The following ANKFN1 variants were observed in gnomAD, a reference collection of about 807,000 sequenced individuals.
The protein encoded by ANKFN1 is ankyrin repeat and fibronectin type-III domain-containing protein 1.
Under a neutral mutation model 108.7 loss-of-function variants are expected in ANKFN1, and 74 were observed. That is an observed-to-expected ratio of 0.68 (90% CI 0.56 to 0.83). The LOEUF (loss-of-function observed/expected upper bound fraction) is 0.83, where lower values mean the gene tolerates loss of function less well. Ranked by LOEUF, ANKFN1 falls within the 40% of genes least tolerant of loss-of-function variation. The probability of loss-of-function intolerance (pLI) is 0.00; values close to 1 mark genes in which losing one functional copy is unlikely to be tolerated. For missense variants in ANKFN1, 1,505 were observed against 1,382.3 expected (o/e 1.09, Z -1.41); for synonymous variants, 547 against 516.2 (o/e 1.06, Z -0.81).
chr17:56,147,670 A>G (rs536565063), intron 4 of ANKFN1, among the ~76,000 whole-genome samples: 5 of 152,360 alleles, frequency 3.3e-5, no homozygotes, highest in Admixed American at 6.5e-5. Context: ...CTACAATTCA[A>G]GATGAGATTT....
chr17:56,174,397 C>T, intron 1 of ANKFN1: 3 of 985,568 alleles, frequency 3.0e-6, no homozygotes, highest in Non-Finnish European at 3.6e-6. Context: ...GGAGCAGAGG[C>T]TGAGGTTGGC....
intron 15 of ANKFN1, among the ~76,000 whole-genome samples, chr17:56,467,806 GAA>G (rs56100100): frequency 8.4e-5 from 3 of 35,554 alleles, no homozygotes; most frequent in African/African-American, 3.7e-4. Flanking sequence ...AAGAAAGAAA[GAA>G]AGAAAGAAAG....
intron 4 of ANKFN1, among the ~76,000 whole-genome samples, chr17:56,094,881 G>A (rs1006794879): frequency 7.3e-5 from 11 of 150,784 alleles, no homozygotes; most frequent in Non-Finnish European, 1.5e-4. Flanking sequence ...GACTGTGCAC[G>A]TAAGCTATTC....
chr17:56,423,039 A>G (rs2048459509), intron 8 of ANKFN1, among the ~76,000 whole-genome samples: 1 of 152,204 alleles, frequency 6.6e-6, no homozygotes, highest in Admixed American at 6.5e-5. Flanking sequence ...TTTTGTCAAC[A>G]CCATCCAGCA....
intron 1 of ANKFN1, chr17:56,174,179 C>G (rs1411539383): frequency 1.0e-6 from 1 of 985,538 alleles, no homozygotes; most frequent in East Asian, 1.1e-4. Flanking sequence ...GCATTCATTT[C>G]CTGGGCTGGC....
intron 8 of ANKFN1, among the ~76,000 whole-genome samples, chr17:56,400,995 T>TA: frequency 6.6e-6 from 1 of 152,316 alleles, no homozygotes; most frequent in South Asian, 2.1e-4. Context: ...TATGGCCTTA[T>TA]AGTGTAGTTT....
chr17:56,195,706 G>C (rs965562529), intron 1 of ANKFN1, among the ~76,000 whole-genome samples: 1 of 152,206 alleles, frequency 6.6e-6, no homozygotes, highest in African/African-American at 2.4e-5. Flanking sequence ...GCCAGACTGA[G>C]GGCAAATGAC....
chr17:56,493,256 G>A (rs2051097596), intron 19 of ANKFN1, among the ~76,000 whole-genome samples: 1 of 151,672 alleles, frequency 6.6e-6, no homozygotes, highest in Non-Finnish European at 1.5e-5. Flanking sequence ...ATATACCAAA[G>A]CAAAACAAAC....
intron 8 of ANKFN1, among the ~76,000 whole-genome samples, chr17:56,386,437 A>T (rs1301923231): frequency 6.6e-6 from 1 of 151,952 alleles, no homozygotes; most frequent in African/African-American, 2.4e-5. Context: ...TAACCTGCAC[A>T]TTGTGCACAT....
At chr17:56,243,472 A>G (rs781715294) in intron 3 of ANKFN1, among the ~76,000 whole-genome samples, 4 of 152,198 alleles carry the variant, frequency 2.6e-5, no homozygotes, top group Admixed American at 6.6e-5. Flanking sequence ...CCACAACTCA[A>G]TAGTCCCAAG....
intron 8 of ANKFN1, among the ~76,000 whole-genome samples, chr17:56,401,752 G>A (rs983038133): frequency 2.6e-5 from 4 of 151,996 alleles, no homozygotes; most frequent in African/African-American, 9.7e-5. Context: ...GTGAGAGTGG[G>A]CATCCTTGTT....
At chr17:56,193,999 A>C (rs1322310604) in intron 1 of ANKFN1, among the ~76,000 whole-genome samples, 1 of 152,266 alleles carries the variant, frequency 6.6e-6, no homozygotes, top group Middle Eastern at 3.2e-3. Context: ...GAAGATATAC[A>C]GATGGCAAGT....
chr17:56,505,342 A>G (rs976406077), intron 20 of ANKFN1, among the ~76,000 whole-genome samples: 17 of 152,216 alleles, frequency 1.1e-4, no homozygotes, highest in Admixed American at 1.1e-3. Flanking sequence ...TCCACTCAAC[A>G]TGCTTTACTG....
chr17:56,182,760 A>G (rs541843031), intron 1 of ANKFN1, among the ~76,000 whole-genome samples: 49 of 152,356 alleles, frequency 3.2e-4, no homozygotes, highest in African/African-American at 1.1e-3. Flanking sequence ...GATGCCATTC[A>G]TGACATTTTT....
intron 6 of ANKFN1, among the ~76,000 whole-genome samples, chr17:56,364,412 A>C (rs2046608147): frequency 6.6e-6 from 1 of 152,192 alleles, no homozygotes; most frequent in Non-Finnish European, 1.5e-5. Flanking sequence ...ATATTATTAA[A>C]ATTAATGCAA....
chr17:56,206,242 A>G (rs1056034151), intron 1 of ANKFN1, among the ~76,000 whole-genome samples: 1 of 151,918 alleles, frequency 6.6e-6, no homozygotes, highest in Admixed American at 6.6e-5. Flanking sequence ...TTTTCGTGTA[A>G]TTGTCATATT....
chr17:56,357,221 G>A (rs1331499455), intron 6 of ANKFN1, among the ~76,000 whole-genome samples: 1 of 152,196 alleles, frequency 6.6e-6, no homozygotes, highest in African/African-American at 2.4e-5. Flanking sequence ...ACTTACATGT[G>A]TAAAAATGGC....
intron 8 of ANKFN1, among the ~76,000 whole-genome samples, chr17:56,418,585 A>C (rs770239086): frequency 2.6e-5 from 4 of 152,170 alleles, no homozygotes; most frequent in Non-Finnish European, 5.9e-5. Flanking sequence ...CGATAATAAT[A>C]AAAGAAAACC....
At chr17:56,118,139 A>G (rs992965101) in intron 4 of ANKFN1, among the ~76,000 whole-genome samples, 3 of 152,070 alleles carry the variant, frequency 2.0e-5, no homozygotes, top group Non-Finnish European at 4.4e-5. Flanking sequence ...CAGTTGATGG[A>G]CATTTGTATT....
Sources: allele counts gnomAD v4.1 joint callset (sites outside exome capture counted in the v4.1 genomes callset), GRCh38; gene constraint gnomAD v4.1.1; transcripts MANE v1.5; gene names NCBI Gene and HGNC (gene_info 2026-07-23, HGNC 2026-07-21).